Variants in CDC34 observed in about 807,000 individuals in gnomAD.
CDC34 encodes the protein ubiquitin-conjugating enzyme E2 R1.
Under a neutral mutation model 26.8 loss-of-function variants are expected in CDC34, and 18 were observed. The ratio of observed to expected loss-of-function variants is 0.67; its 90% CI spans 0.47 to 1.00. CDC34 has a LOEUF of 1.00. CDC34 is among the 50% of genes least tolerant of loss of function. CDC34 has a pLI of 0.00. For synonymous variants in CDC34, 178 were observed against 147.5 expected (o/e 1.21, Z -1.50); for missense variants, 280 against 334.5 (o/e 0.84, Z 1.27).
At chr19:539,809 A>C (rs537323814) in intron 4 of CDC34, among the ~76,000 whole-genome samples, 1 of 152,152 alleles carries the variant, frequency 6.6e-6, no homozygotes, top group Non-Finnish European at 1.5e-5. Context: ...CTGGGGGGAC[A>C]TTCTTGACGC....
rs766424691 is a variant in CDC34, at chr19:537,007, C to G, written c.363-6C>G. 2.4e-5 allele frequency: 38 copies of G among 1,613,442 alleles called. No homozygotes were observed. Among genetic ancestry groups the G allele is most frequent in the Non-Finnish European group, 3.1e-5 (36 of 1,179,970 alleles). On this transcript the variant is annotated splice_polypyrimidine_tract_variant and splice_region_variant and intron_variant, in intron 3 of 4. Transcript: ENST00000215574. ...GCCGCCCCACTCCGACCCACTCTCCCCACAGGACCATTCTCCTGAGTGTGA... is the reference window on the plus strand; with the variant it reads ...GCCGCCCCACTCCGACCCACTCTCCGCACAGGACCATTCTCCTGAGTGTGA...
chr19:541,120 C>T, intron 4 of CDC34: 1 of 572,376 alleles, frequency 1.7e-6, no homozygotes, highest in East Asian at 3.1e-5. Context: ...TGCGCCCGTC[C>T]AGCCTCCCAC....
At chr19:539,270 G>C (rs1471357869) in intron 4 of CDC34, among the ~76,000 whole-genome samples, 1 of 152,034 alleles carries the variant, frequency 6.6e-6, no homozygotes, top group Non-Finnish European at 1.5e-5. Context: ...CCACGGTGCA[G>C]GTCAGTTCCC....
chr19:536,073 C>T (rs1389785184), intron 2 of CDC34, 150 bp downstream of exon 2: 2 of 890,234 alleles, frequency 2.2e-6, no homozygotes, highest in Non-Finnish European at 3.5e-6. Flanking sequence ...CTCACGTCCT[C>T]GTCCTTCCGG....
rs780449913 is a variant in CDC34, at chr19:535,939, A to G, written c.264+16A>G. 6.2e-7 allele frequency: 1 copy of G among 1,608,842 alleles called. No homozygotes were observed. The highest frequency in any genetic ancestry group is 1.7e-5 in the Admixed American group (1 of 60,022). On this transcript the variant is annotated intron_variant, in intron 2 of 4. Coordinates refer to ENST00000215574, the MANE Select transcript of CDC34 (RefSeq NM_004359.2). ...CATCTACGAGGTGAGCGCGGCCCCC[A>G]CGGGCCTCAAGTCCTCATCCTCCGG... is the stretch of plus-strand genomic sequence containing the variant.
At position 541,451 on chromosome 19, in the gene CDC34, G is replaced by C. The variant is rs1980010957; in HGVS notation, c.610G>C (p.Asp204His). 6.2e-7 allele frequency: 1 copy of C among 1,612,934 alleles called. No homozygotes were observed. Among genetic ancestry groups the C allele is most frequent in the African/African-American group, 1.3e-5 (1 of 75,050 alleles). Reference protein sequence around the residue: ...TKAPAPDEGSDLFYDDYYEDG... With the variant: ...TKAPAPDEGSHLFYDDYYEDG... ...GGCGCCGGCGCCCGACGAGGGCTCA[G>C]ACCTCTTCTACGACGACTACTACGA... is the stretch of plus-strand genomic sequence containing the variant. Residue 204 changes from aspartate (D) to histidine (H), a missense_variant, in exon 5 of 5, where the codon GAC (aspartate) becomes CAC (histidine). By Grantham distance (81) the Asp-to-His change is moderately conservative (BLOSUM62 -1). Coordinates refer to ENST00000215574, the MANE Select transcript of CDC34 (RefSeq NM_004359.2).
chr19:536,400 G>A lies in CDC34; in HGVS notation c.362+60G>A, dbSNP rs190017499. The A allele has an allele frequency of 2.1e-4, 277 of 1,295,132 alleles. 1 individual carries two copies. The East Asian group carries it at 6.2e-3, about 29-fold the overall frequency. 80.2% of individuals were successfully genotyped at this position (1,295,132 alleles called of 1,614,324 possible). The stretch of plus-strand genomic sequence containing the variant: ...CATCAGGTAGGCCGGGCTCCGTCCC[G>A]TATCCACCCAGACCATCAGGTAGGC... On this transcript the variant is annotated intron_variant, in intron 3 of 4. Transcript: ENST00000215574.
intron 1 of CDC34, among the ~76,000 whole-genome samples, chr19:534,205 A>G (rs1329846532): frequency 6.6e-6 from 1 of 152,064 alleles, no homozygotes; most frequent in Non-Finnish European, 1.5e-5. Flanking sequence ...GAACCGCAGG[A>G]CAGTTCTGAG....
chr19:539,359 C>T (rs1408847706), intron 4 of CDC34, among the ~76,000 whole-genome samples: 1 of 151,144 alleles, frequency 6.6e-6, no homozygotes, highest in South Asian at 2.1e-4. Flanking sequence ...CCCCCCAGCC[C>T]GTCCACCCTG....
rs983679799 is a variant in CDC34 at position 534,476 on chromosome 19, C to A, written c.178-1361C>A. On this transcript the variant is annotated intron_variant, in intron 1 of 4. Transcript: ENST00000215574. ...AGACCCCCTGAGTGCCCTCCCTGTC[C>A]AGACCTCACCCACGATCCAAGACCC... Among the ~76,000 whole-genome samples, 31 of 66,398 alleles carry A rather than the reference C, an allele frequency of 4.7e-4. 2 individuals are homozygous for A. Among genetic ancestry groups the A allele is most frequent in the Non-Finnish European group, 8.3e-4 (22 of 26,474 alleles). The allele number at this position is 66,398 out of a possible 152,430, so 43.6% of individuals were successfully genotyped here. A position where few individuals can be genotyped will look rare whatever the true frequency, so the allele number is the denominator to read the frequency against.
intron 1 of CDC34, among the ~76,000 whole-genome samples, chr19:533,856 A>C (rs1366849136): frequency 1.3e-5 from 2 of 152,064 alleles, no homozygotes; most frequent in Admixed American, 1.3e-4. Context: ...TGTGCCTGGG[A>C]GGGAGTTGGG....
At chr19:539,126 G>A (rs532522609) in intron 4 of CDC34, 20 of 632,228 alleles carry the variant, frequency 3.2e-5, no homozygotes, top group African/African-American at 9.8e-5. Context: ...TGTTGGCCTC[G>A]TGGCAGCCCA....
intron 1 of CDC34, among the ~76,000 whole-genome samples, chr19:532,411 G>C (rs1418711819): frequency 6.6e-6 from 1 of 152,224 alleles, no homozygotes; most frequent in Non-Finnish European, 1.5e-5. Flanking sequence ...GGCCCTCCCT[G>C]TAGCATCTGG....
intron 4 of CDC34, among the ~76,000 whole-genome samples, chr19:540,779 CAGAGGCTG>C (rs1979972807): frequency 1.3e-5 from 1 of 77,710 alleles, no homozygotes; most frequent in Non-Finnish European, 3.1e-5. Context: ...GTTTAGAATC[CAGAGGCTG>C]GGATGGCCAG....
At chr19:533,948 G>T (rs1600420122) in intron 1 of CDC34, among the ~76,000 whole-genome samples, 1 of 152,340 alleles carries the variant, frequency 6.6e-6, no homozygotes, top group East Asian at 1.9e-4. Flanking sequence ...TCCTTCAGGA[G>T]CCAAAGTGAG....
intron 1 of CDC34, 75 bp downstream of exon 1, chr19:532,183 C>A: frequency 1.6e-6 from 2 of 1,254,334 alleles, no homozygotes; most frequent in South Asian, 1.6e-5. Flanking sequence ...CTCCCTGCCC[C>A]GCGGTCCTAG....
intron 4 of CDC34, among the ~76,000 whole-genome samples, chr19:537,951 C>G (rs1979836837): frequency 6.6e-6 from 1 of 152,254 alleles, no homozygotes; most frequent in Admixed American, 6.5e-5. Context: ...GCCACTGCAC[C>G]TGGCCTGGTG....
At chr19:533,528 T>C (rs1979593783) in intron 1 of CDC34, among the ~76,000 whole-genome samples, 1 of 152,122 alleles carries the variant, frequency 6.6e-6, no homozygotes, top group African/African-American at 2.4e-5. Flanking sequence ...GGTTGCCAAA[T>C]GGTTTTAGCA....
At chr19:537,169 A>G (rs1478258483) in intron 4 of CDC34, 22 bp downstream of exon 4, 2 of 1,610,872 alleles carry the variant, frequency 1.2e-6, no homozygotes, top group Non-Finnish European at 1.7e-6. Flanking sequence ...CGGGGGCGTC[A>G]CGGGAGGAGA....
Sources: gnomAD v4.1 joint callset for allele counts (sites outside exome capture counted in the v4.1 genomes callset) on GRCh38, gnomAD v4.1.1 for gene constraint, MANE v1.5 for transcripts, NCBI Gene and HGNC (gene_info 2026-07-23, HGNC 2026-07-21) for gene names.